XKR9: variants seen among roughly 807,000 people sequenced by gnomAD.
XKR9 encodes the protein XK related 9.
XKR9 carries 32 observed loss-of-function variants against 32.0 expected under a neutral mutation model. The observed-to-expected ratio is 1.00, with a 90% CI of 0.76 to 1.34. The LOEUF (loss-of-function observed/expected upper bound fraction) is 1.34. Ranked by LOEUF, XKR9 falls within the 40% of genes most tolerant of loss-of-function variation. XKR9 has a pLI of 0.00. For missense variants in XKR9, 546 were observed against 429.7 expected (o/e 1.27, Z -2.39); for synonymous variants, 168 against 143.4 (o/e 1.17, Z -1.22).
intron 2 of XKR9, among the ~76,000 whole-genome samples, chr8:70,763,280 A>C (rs540240635): frequency 5.9e-5 from 9 of 152,302 alleles, no homozygotes; most frequent in African/African-American, 2.2e-4. Flanking sequence ...TTTTGAAAAA[A>C]TATCGTGAGG....
the XKR9 span, among the ~76,000 whole-genome samples, chr8:71,041,748 CTCTCTCTCTG>C: frequency 6.6e-6 from 1 of 152,188 alleles, no homozygotes; most frequent in Admixed American, 6.5e-5. Context: ...CTCCCTTTCT[CTCTCTCTCTG>C]TCTCTCTCTC....
At chr8:70,880,118 T>C in the XKR9 span, among the ~76,000 whole-genome samples, 2 of 152,180 alleles carry the variant, frequency 1.3e-5, no homozygotes, top group East Asian at 1.9e-4. Context: ...ATTAATGGAA[T>C]GTATCTCAAA....
the XKR9 span, among the ~76,000 whole-genome samples, chr8:70,805,406 C>G: frequency 9.2e-5 from 14 of 152,168 alleles, no homozygotes; most frequent in African/African-American, 3.1e-4. Context: ...GGAGGGGTGA[C>G]CAGCACCACA....
intron 4 of XKR9, among the ~76,000 whole-genome samples, chr8:70,732,529 G>A (rs953812119): frequency 6.6e-6 from 1 of 152,204 alleles, no homozygotes; most frequent in Non-Finnish European, 1.5e-5. Context: ...GCCATTCCTG[G>A]ACGAGCCCCC....
chr8:70,910,326 C>A, the XKR9 span, among the ~76,000 whole-genome samples: 1 of 152,114 alleles, frequency 6.6e-6, no homozygotes, highest in South Asian at 2.1e-4. Flanking sequence ...ACACTGCAAG[C>A]ACTGCAATTA....
the XKR9 span, among the ~76,000 whole-genome samples, chr8:71,061,582 T>C: frequency 6.6e-6 from 1 of 152,240 alleles, no homozygotes; most frequent in Non-Finnish European, 1.5e-5. Context: ...AAAAGCCTTC[T>C]GAATTGACAC....
chr8:70,909,205 A>G, the XKR9 span, among the ~76,000 whole-genome samples: 1 of 152,040 alleles, frequency 6.6e-6, no homozygotes, highest in Non-Finnish European at 1.5e-5. Context: ...CAACTCATAC[A>G]ATGGTTTTCA....
chr8:70,698,468 G>T (rs1364358448), intron 3 of XKR9, among the ~76,000 whole-genome samples: 1 of 152,168 alleles, frequency 6.6e-6, no homozygotes, highest in Non-Finnish European at 1.5e-5. Flanking sequence ...GGAGCAGGTT[G>T]TTCAGTTTCC....
chr8:70,703,578 A>G (rs1005756549), intron 3 of XKR9, among the ~76,000 whole-genome samples: 1 of 152,130 alleles, frequency 6.6e-6, no homozygotes, highest in African/African-American at 2.4e-5. Flanking sequence ...ATATCATCAC[A>G]TTGGGGAATA....
chr8:70,732,696 T>G (rs1806712693), intron 4 of XKR9, among the ~76,000 whole-genome samples: 1 of 152,236 alleles, frequency 6.6e-6, no homozygotes, highest in South Asian at 2.1e-4. Flanking sequence ...CCAGTAGAGT[T>G]TGACTAATGA....
At chr8:70,976,271 A>T in the XKR9 span, among the ~76,000 whole-genome samples, 1 of 152,084 alleles carries the variant, frequency 6.6e-6, no homozygotes, top group South Asian at 2.1e-4. Flanking sequence ...GTTGAATAGG[A>T]GTGATGAGAG....
At chr8:70,710,070 A>G (rs1240154136) in intron 4 of XKR9, among the ~76,000 whole-genome samples, 1 of 152,212 alleles carries the variant, frequency 6.6e-6, no homozygotes, top group Non-Finnish European at 1.5e-5. Context: ...CCAAAACAGC[A>G]TGATAGTGGT....
chr8:70,682,711 A>T (rs994993859), intron 3 of XKR9, among the ~76,000 whole-genome samples: 30 of 152,140 alleles, frequency 2.0e-4, no homozygotes, highest in African/African-American at 7.2e-4. Context: ...ACAAGTCCTG[A>T]ACACTAATTT....
chr8:70,677,895 T>A (rs1818935218), intron 2 of XKR9: 1 of 152,226 alleles, frequency 6.6e-6, no homozygotes, highest in South Asian at 2.1e-4. Flanking sequence ...TAAGCAATTT[T>A]TTTCTTAGTA....
the XKR9 span, among the ~76,000 whole-genome samples, chr8:70,979,065 T>A: frequency 6.6e-6 from 1 of 152,212 alleles, no homozygotes; most frequent in African/African-American, 2.4e-5. Context: ...GTAGTTCTCA[T>A]GCCATGGTTT....
At chr8:70,723,086 T>G (rs1486394809) in intron 4 of XKR9, among the ~76,000 whole-genome samples, 1 of 152,076 alleles carries the variant, frequency 6.6e-6, no homozygotes, top group African/African-American at 2.4e-5. Context: ...GCTTGATTGA[T>G]TTGGCTATTG....
the XKR9 span, among the ~76,000 whole-genome samples, chr8:70,811,272 C>G: frequency 2.0e-5 from 3 of 152,090 alleles, no homozygotes; most frequent in Non-Finnish European, 4.4e-5. Flanking sequence ...ACCAGAATCT[C>G]TGGGACACAT....
At chr8:70,963,215 G>C in the XKR9 span, among the ~76,000 whole-genome samples, 1 of 152,030 alleles carries the variant, frequency 6.6e-6, no homozygotes, top group African/African-American at 2.4e-5. Flanking sequence ...GAGAACATTT[G>C]GTGTTTGGTT....
In XKR9 at chr8:70,735,836, G is replaced by A. The variant is rs1158011677; in HGVS notation, c.*1412G>A. 3 of 151,848 alleles carry A rather than the reference G, an allele frequency of 2.0e-5. No homozygotes were observed. Among genetic ancestry groups the A allele is most frequent in the African/African-American group, 7.3e-5 (3 of 41,286 alleles). The allele number at this position is 151,848 out of a possible 1,614,324, so 9.4% of individuals were successfully genotyped here. ...GCATAGTATTCCATGGTGTATATGT[G>A]CCACATTTTCTTAATCCAGTCTATT... is the stretch of plus-strand genomic sequence containing the variant. On this transcript the variant is annotated 3_prime_UTR_variant, in exon 5 of 5. Coordinates refer to ENST00000408926, the MANE Select transcript of XKR9 (RefSeq NM_001011720.2).
Sources: gnomAD v4.1 joint callset for allele counts (sites outside exome capture counted in the v4.1 genomes callset) on GRCh38, gnomAD v4.1.1 for gene constraint, MANE v1.5 for transcripts, NCBI Gene and HGNC (gene_info 2026-07-23, HGNC 2026-07-21) for gene names.